TTN: variants seen among roughly 807,000 people sequenced by gnomAD.
TTN encodes the protein connectin.
In TTN, 1,525 loss-of-function variants were observed where a neutral mutation model predicts 3,223.0. That is an observed-to-expected ratio of 0.47 (90% CI 0.45 to 0.49). The LOEUF is 0.49. TTN is among the 20% of genes least tolerant of loss of function. The pLI, the probability that TTN is intolerant of heterozygous loss-of-function variation, is 0.00. For missense variants in TTN, 40,786 were observed against 43,424.0 expected (o/e 0.94, Z 5.40); for synonymous variants, 14,094 against 15,161.0 (o/e 0.93, Z 5.17).
Position 178,712,709 on chromosome 2 carries a change from G to C in TTN, c.27316C>G (p.Leu9106Val). ...CAGTCTGACAAACCTTTTATGTAGAGATGTGTTGTACAAGAAGCCTTGCCA... is the reference window on the plus strand; with the variant it reads ...CAGTCTGACAAACCTTTTATGTAGACATGTGTTGTACAAGAAGCCTTGCCA... ...EAGKASCTTH[L>V]YIKAPAKFVK... The change falls in exon 94 of 363, where the codon CTC (leucine) becomes GTC (valine). Residue 9106 changes from leucine (L) to valine (V), a missense_variant. By Grantham distance (32) the Leu-to-Val change is conservative. Transcript: ENST00000589042. The C allele has an allele frequency of 6.2e-7, 1 of 1,613,366 alleles. No individual in the cohort carries two copies. Among genetic ancestry groups the C allele is most frequent in the South Asian group, 1.1e-5 (1 of 91,052 alleles).
chr2:178,779,296 T>C lies in TTN; in HGVS notation c.3896A>G (p.Asn1299Ser), dbSNP rs1219843676. ...ACCCATCCCCTCAAGAATTCTATAATTCTTGATTCTTGAATCAAATCCTGA... is the reference window on the plus strand; with the variant it reads ...ACCCATCCCCTCAAGAATTCTATAACTCTTGATTCTTGAATCAAATCCTGA... ...VESGFDSRIK[N>S]YRILEGMGVT... is the part of the protein sequence containing the mutation. The change falls in exon 23 of 363, where the codon AAT (asparagine) becomes AGT (serine). Residue 1299 changes from asparagine (N) to serine (S), a missense_variant. Asn to Ser is a conservative substitution (Grantham distance 46). Transcript: ENST00000589042. 6.2e-7 allele frequency: 1 copy of C among 1,613,746 alleles called. No individual in the cohort carries two copies.
In TTN at chr2:178,577,641, A is replaced by G. The variant is rs1277213346; in HGVS notation, c.68785T>C (p.Ser22929Pro). ...KNTAGAISAP[S>P]ESTETIICKD... ...CAAATAATGGTTTCTGTACTTTCTG[A>G]TGGAGCACTGATAGCACCTGCTGTA... Residue 22929 changes from serine to proline, a missense_variant, in exon 323 of 363, where the codon TCA becomes CCA. By Grantham distance (74) the Ser-to-Pro change is moderately conservative. Coordinates refer to ENST00000589042, the MANE Select transcript of TTN (RefSeq NM_001267550.2). 1 of 1,612,624 alleles carries G rather than the reference A, an allele frequency of 6.2e-7. No individual in the cohort carries two copies. The highest frequency in any genetic ancestry group is 1.3e-5 in the African/African-American group (1 of 74,850).
chr2:178,713,005 T>C, intron 93 of TTN, 30 bp from the exon 94 acceptor site: 2 of 1,606,480 alleles, frequency 1.2e-6, no homozygotes, highest in Non-Finnish European at 1.7e-6. Context: ...TCAGAAAAGG[T>C]TTAGTATTTG....
chr2:178,723,220 A>C lies in TTN; in HGVS notation c.21787T>G (p.Trp7263Gly). Residue 7263 changes from tryptophan to glycine, a missense_variant, in exon 75 of 363, where the codon TGG becomes GGG. Coordinates refer to ENST00000589042, the MANE Select transcript of TTN (RefSeq NM_001267550.2). ...GTTATGTTAAAACCATCCTTTTTCC[A>C]AGTGACAGAAATTGGAAGTGTTCCA... ...YTGTLPISVT[W>G]KKDGFNITTS... is the part of the protein sequence containing the mutation. 1.2e-6 allele frequency: 2 copies of C among 1,613,538 alleles called. No homozygotes were observed. The highest frequency in any genetic ancestry group is 2.2e-5 in the South Asian group (2 of 91,062).
In TTN at chr2:178,731,965, G is replaced by A. The variant is rs749185334; in HGVS notation, c.16910C>T (p.Pro5637Leu). The part of the protein sequence containing the change: ...CSSIVIVKES[P>L]YFTKEFKPIE... ...TGGCTTAAATTCCTTGGTAAAATAA[G>A]GTGACTCTACAGTAAAAAAGGAATG... Residue 5637 changes from proline (P) to leucine (L), a missense_variant, in exon 58 of 363, where the codon CCT (proline) becomes CTT (leucine). Pro to Leu is a moderately conservative substitution (Grantham distance 98). Transcript: ENST00000589042. The A allele has an allele frequency of 2.5e-6, 4 of 1,605,332 alleles. No individual in the cohort carries two copies. The highest frequency in any genetic ancestry group is 1.3e-5 in the African/African-American group (1 of 74,820).
rs886055253 is a variant in TTN, at chr2:178,580,394, C to T, written c.66985G>A (p.Ala22329Thr). 5.0e-6 allele frequency: 8 copies of T among 1,613,206 alleles called. No individual in the cohort carries two copies. The highest frequency in any genetic ancestry group is 6.8e-6 in the Non-Finnish European group (8 of 1,179,438). ...LRCENVNKYDAGKYILTLENS... is the reference protein window; with the variant it reads ...LRCENVNKYDTGKYILTLENS... ...TCCAGGGTTAAGATATATTTTCCTG[C>T]ATCATATTTGTTCACATTTTCACAG... is the stretch of plus-strand genomic sequence containing the variant. The change falls in exon 317 of 363, where the codon GCA (alanine) becomes ACA (threonine). Residue 22329 changes from alanine (A) to threonine (T), a missense_variant. Coordinates refer to ENST00000589042, the MANE Select transcript of TTN (RefSeq NM_001267550.2).
At position 178,792,184 on chromosome 2, in the gene TTN, G is replaced by T; in HGVS notation, c.1550C>A (p.Thr517Asn). ...TACCTTTGGTACAAATGTTTTTTCA[G>T]TTTCTTTTCTTATCTGCAAAGAATG... The part of the protein sequence containing the change: ...HVTHEQIRKE[T>N]EKTFVPKVVI... The change falls in exon 10 of 363, where the codon ACT becomes AAT. Residue 517 changes from threonine (T) to asparagine (N), a missense_variant. By Grantham distance (65) the Thr-to-Asn change is moderately conservative. Coordinates refer to ENST00000589042, the MANE Select transcript of TTN (RefSeq NM_001267550.2). 1 of 1,606,546 alleles carries T rather than the reference G, an allele frequency of 6.2e-7. No individual in the cohort carries two copies. The highest frequency in any genetic ancestry group is 1.1e-5 in the South Asian group (1 of 88,704).
In TTN at chr2:178,738,148, C is replaced by T. The variant is rs566108422; in HGVS notation, c.14305G>A (p.Glu4769Lys). The change falls in exon 49 of 363, where the codon GAG (glutamate) becomes AAG (lysine). Residue 4769 changes from glutamate (E) to lysine (K), a missense_variant. Physicochemically the swap from Glu to Lys is moderately conservative, Grantham distance 56. Coordinates refer to ENST00000589042, the MANE Select transcript of TTN (RefSeq NM_001267550.2). ...ILRTQVVDCG[E>K]YTCKASNEYG... is the part of the protein sequence containing the mutation. ...TCATTGGAAGCTTTGCATGTATACT[C>T]GCCGCAGTCAACCACCTGGGTTCTC... 23 of 1,613,814 alleles carry T rather than the reference C, an allele frequency of 1.4e-5. No individual in the cohort carries two copies. The highest frequency in any genetic ancestry group is 1.1e-4 in the African/African-American group (8 of 75,040).
Position 178,576,966 on chromosome 2 carries a change from T to A in TTN, c.69369A>T (p.Gly23123=), listed in dbSNP as rs2046576106. Residue 23123 remains glycine (G), a synonymous_variant, in exon 324 of 363, where the codon GGA becomes GGT. Coordinates refer to ENST00000589042, the MANE Select transcript of TTN (RefSeq NM_001267550.2). This position sits in a 1 kb window ranked among gnomAD's most constrained non-coding sequence, Gnocchi z 4.3. ...RVSAVNHYGK[G]EPVQSEPVKM... ...TGACAGGTTCAGACTGTACAGGTTC[T>A]CCTTTGCCATAGTGGTTTACAGCTG... is the stretch of plus-strand genomic sequence containing the variant. 1 of 1,613,410 alleles carries A rather than the reference T, an allele frequency of 6.2e-7. No homozygotes were observed. Among genetic ancestry groups the A allele is most frequent in the Admixed American group, 1.7e-5 (1 of 59,982 alleles).
At chr2:178,650,412 CTA>C (rs1216557209) in intron 209 of TTN, 141 bp from the exon 210 acceptor site, 2 of 900,876 alleles carry the variant, frequency 2.2e-6, no homozygotes, top group Admixed American at 6.1e-5. Context: ...TAGATAAAAT[CTA>C]TCTCATTTGC....
chr2:178,566,605 A>G lies in TTN; in HGVS notation c.79527T>C (p.Gly26509=), dbSNP rs919657135. ...CACTGCCGCCATCATAGATGGGTTTACCCCAGGCAAGTGTGATTGAATTTT... is the reference window on the plus strand; with the variant it reads ...CACTGCCGCCATCATAGATGGGTTTGCCCCAGGCAAGTGTGATTGAATTTT... ...TTKNSITLAW[G]KPIYDGGSEI... The change falls in exon 326 of 363, where the codon GGT becomes GGC. Residue 26509 remains glycine (G), a synonymous_variant. Transcript: ENST00000589042. 1.2e-6 allele frequency: 2 copies of G among 1,612,408 alleles called. No individual in the cohort carries two copies. Among genetic ancestry groups the G allele is most frequent in the African/African-American group, 2.7e-5 (2 of 74,876 alleles).
rs1383136528 is a variant in TTN, at chr2:178,538,520, G to A, written c.99289+20C>T. On this transcript the variant is annotated intron_variant, in intron 354 of 362. Transcript: ENST00000589042. The stretch of plus-strand genomic sequence containing the variant: ...TTGTTTAGTTTGTAAATCATAAGTA[G>A]AGAACCAAAGGCTACTTACATGTGA... 3.8e-6 allele frequency: 6 copies of A among 1,588,624 alleles called. No individual in the cohort carries two copies. Among genetic ancestry groups the A allele is most frequent in the Non-Finnish European group, 4.3e-6 (5 of 1,167,260 alleles).
At chr2:178,621,042 T>C in intron 246 of TTN, 49 bp from the exon 247 acceptor site, 2 of 1,604,376 alleles carry the variant, frequency 1.2e-6, no homozygotes, top group Non-Finnish European at 8.5e-7. Context: ...ATCAAAGTGG[T>C]AAATACAAAT....
In TTN at chr2:178,774,330, A is replaced by G; in HGVS notation, c.6934T>C (p.Tyr2312His). The G allele has an allele frequency of 3.1e-6, 5 of 1,614,014 alleles. No homozygotes were observed. Among genetic ancestry groups the G allele is most frequent in the Non-Finnish European group, 4.2e-6 (5 of 1,179,974 alleles). Residue 2312 changes from tyrosine (Y) to histidine (H), a missense_variant, in exon 30 of 363, where the codon TAT (tyrosine) becomes CAT (histidine). Coordinates refer to ENST00000589042, the MANE Select transcript of TTN (RefSeq NM_001267550.2). ...NDVELKSNGKYTITSRRGRQN... is the reference protein window; with the variant it reads ...NDVELKSNGKHTITSRRGRQN... ...CGTCCACGACGAGATGTAATTGTATATTTGCCATTGGATTTAAGCTCCACA... is the reference window on the plus strand; with the variant it reads ...CGTCCACGACGAGATGTAATTGTATGTTTGCCATTGGATTTAAGCTCCACA...
At chr2:178,717,471 C>A (rs2077662101) in intron 87 of TTN, 52 bp downstream of exon 87, 1 of 1,561,508 alleles carries the variant, frequency 6.4e-7, no homozygotes, top group Non-Finnish European at 8.7e-7. Context: ...CTTTTGGTGG[C>A]CTGGAGCAGT....
chr2:178,541,235 A>T, intron 350 of TTN, 47 bp downstream of exon 350: 1 of 1,432,938 alleles, frequency 7.0e-7, no homozygotes, highest in Non-Finnish European at 9.2e-7. Flanking sequence ...ATTTTCCCAC[A>T]TATAAATTGT....
intron 317 of TTN, 35 bp downstream of exon 317, chr2:178,580,287 A>T (rs1269676762): frequency 3.7e-6 from 6 of 1,604,848 alleles, no homozygotes; most frequent in Non-Finnish European, 5.1e-6. Flanking sequence ...AAGCTATTTT[A>T]AAATATATAT....
At position 178,564,023 on chromosome 2, in the gene TTN, G is replaced by A. The variant is rs1396821599; in HGVS notation, c.82109C>T (p.Pro27370Leu). Residue 27370 changes from proline (P) to leucine (L), a missense_variant, in exon 326 of 363, where the codon CCA becomes CTA. By Grantham distance (98) the Pro-to-Leu change is moderately conservative. Transcript: ENST00000589042. ...IPITVKVLDR[P>L]GPPEGPLKVT... ...TTTCAGAGGCCCTTCAGGAGGCCCT[G>A]GCCTGTCAAGTACCTTTACAGTGAT... 1 of 1,613,730 alleles carries A rather than the reference G, an allele frequency of 6.2e-7. No individual in the cohort carries two copies. The highest frequency in any genetic ancestry group is 1.3e-5 in the African/African-American group (1 of 75,018).
rs770741287 is a variant in TTN, at chr2:178,608,383, G to A, written c.52500C>T (p.Pro17500=). Residue 17500 remains proline, a synonymous_variant, in exon 275 of 363, where the codon CCC becomes CCT. Transcript: ENST00000589042. ...GTTTTTCAAGCCAGTAACCCAAAAT[G>A]GGGCTTCCATTATCTTTTGGTTCAT... ...KWNEPKDNGS[P]ILGYWLEKRE... 2.2e-5 allele frequency: 35 copies of A among 1,611,162 alleles called. No homozygotes were observed. Among genetic ancestry groups the A allele is most frequent in the Non-Finnish European group, 1.7e-6 (2 of 1,178,660 alleles).
Sources: gnomAD v4.1 joint callset for allele counts on GRCh38, gnomAD v4.1.1 for gene constraint, Gnocchi (gnomAD v3.1) non-coding constraint, MANE v1.5 for transcripts, NCBI Gene and HGNC (gene_info 2026-07-23, HGNC 2026-07-21) for gene names.